Variants in HFM1 observed in about 807,000 individuals in gnomAD.
The protein encoded by HFM1 is probable ATP-dependent DNA helicase HFM1.
Under a neutral mutation model 192.1 loss-of-function variants are expected in HFM1, and 169 were observed. The ratio of observed to expected loss-of-function variants is 0.88; its 90% CI spans 0.78 to 1.00. The LOEUF is 1.00. Among genes scored for constraint, HFM1 ranks in the 50% least tolerant of loss-of-function variants. The probability of loss-of-function intolerance (pLI) is 0.00; values close to 1 mark genes in which losing one functional copy is unlikely to be tolerated. For synonymous variants in HFM1, 525 were observed against 537.8 expected, an observed-to-expected ratio of 0.98 and a Z score of 0.33; for missense variants, 1,661 against 1,668.0, an observed-to-expected ratio of 1.00 and a Z score of 0.07.
At chr1:91,346,299 C>G (rs941202242) in intron 19 of HFM1, among the ~76,000 whole-genome samples, 7 of 152,070 alleles carry the variant, frequency 4.6e-5, no homozygotes, top group African/African-American at 1.7e-4. Flanking sequence ...CAATATATCT[C>G]TTTGTCTAAT....
intron 18 of HFM1, among the ~76,000 whole-genome samples, chr1:91,349,832 G>C (rs143978955): frequency 2.5e-3 from 375 of 152,276 alleles, no homozygotes; most frequent in South Asian, 4.6e-3. Flanking sequence ...TTTGTTAAAA[G>C]GAATGGAAAA....
rs145201337 is a variant in HFM1 at position 91,399,754 on chromosome 1, G to C, written c.71+1258C>G. 1.5e-3 allele frequency among the ~76,000 whole-genome samples: 225 copies of C among 152,174 alleles called. 2 individuals carry two copies. Among genetic ancestry groups the C allele is most frequent in the South Asian group, 4.6e-3 (22 of 4,826 alleles). Reference sequence around the variant, plus strand: ...GAAGTCTCCCCCTACTACCCAAAAAGCCTGACCTGACTGTGTACTCCAAGA... The same window carrying C: ...GAAGTCTCCCCCTACTACCCAAAAACCCTGACCTGACTGTGTACTCCAAGA... On this transcript the variant is annotated intron_variant, in intron 2 of 38. Transcript: ENST00000370425.
intron 1 of HFM1, among the ~76,000 whole-genome samples, chr1:91,403,302 A>C (rs987029877): frequency 6.6e-6 from 1 of 152,168 alleles, no homozygotes; most frequent in Admixed American, 6.5e-5. Flanking sequence ...TTATAAAAAT[A>C]GTGTCAAATA....
Position 91,324,660 on chromosome 1 carries a change from T to G in HFM1, c.2427+15A>C. ...ATACCACTATGTATTTTTTTTCTAG[T>G]GAAAATTAATTTACCAGATCTGATA... On this transcript the variant is annotated intron_variant, in intron 21 of 38. Transcript: ENST00000370425. 1 of 1,187,904 alleles carries G rather than the reference T, an allele frequency of 8.4e-7. No individual in the cohort carries two copies. Among genetic ancestry groups the G allele is most frequent in the Non-Finnish European group, 1.3e-6 (1 of 799,820 alleles). The allele number at this position is 1,187,904 out of a possible 1,614,324, so 73.6% of individuals were successfully genotyped here.
intron 34 of HFM1, among the ~76,000 whole-genome samples, chr1:91,270,363 TAAG>T (rs1469072280): frequency 1.3e-5 from 2 of 151,638 alleles, no homozygotes; most frequent in Admixed American, 6.6e-5. Context: ...TAGAGTGAGG[TAAG>T]AAGAAGACAG....
chr1:91,343,575 T>C lies in HFM1; in HGVS notation c.2255-65A>G, dbSNP rs142043892. 4.3e-4 allele frequency: 273 copies of C among 635,752 alleles called. 1 individual carries two copies. In the African/African-American group the frequency reaches 4.8e-3, roughly 11 times the overall value. The allele number at this position is 635,752 out of a possible 1,614,324, so 39.4% of individuals were successfully genotyped here. A position where few individuals can be genotyped will look rare whatever the true frequency, so the allele number is the denominator to read the frequency against. ...TAGGGAAGTAGGGAAAAATAATTTA[T>C]TATTAAATATGCTAAAGTTGTGCTA... On this transcript the variant is annotated intron_variant, in intron 19 of 38. Transcript: ENST00000370425.
intron 20 of HFM1, among the ~76,000 whole-genome samples, chr1:91,340,889 A>C (rs1295551632): frequency 1.3e-5 from 2 of 152,252 alleles, no homozygotes; most frequent in East Asian, 3.8e-4. Context: ...CAACAAAAAG[A>C]TTTAACTATC....
At position 91,375,423 on chromosome 1, in the gene HFM1, C is replaced by T. The variant is rs1313282993; in HGVS notation, c.1620G>A (p.Val540=). 4 of 1,612,990 alleles carry T rather than the reference C, an allele frequency of 2.5e-6. No homozygotes were observed. The highest frequency in any genetic ancestry group is 3.4e-6 in the Non-Finnish European group (4 of 1,179,392). ...TLVFCATRKG[V]QQAASVLVKD... is the part of the protein sequence containing the mutation. ...TCACAAGAACAGAAGCAGCCTGTTG[C>T]ACACCCTTCCTTGTTGCACAAAACT... The change falls in exon 13 of 39, where the codon GTG becomes GTA. Residue 540 remains valine (V), a synonymous_variant. Transcript: ENST00000370425.
intron 18 of HFM1, among the ~76,000 whole-genome samples, chr1:91,347,726 C>A (rs1336032931): frequency 6.6e-6 from 1 of 152,132 alleles, no homozygotes; most frequent in Admixed American, 6.5e-5. Context: ...TGATTAATAT[C>A]TTCTAATGAA....
rs1236441967 is a variant in HFM1, at chr1:91,343,564, A to ATTTTTTATTTTT, written c.2255-55_2255-54insAAAAATAAAAAA. 8.8e-6 allele frequency: 6 copies of ATTTTTTATTTTT among 682,144 alleles called. No homozygotes were observed. The African/African-American group carries it at 9.3e-5, about 11-fold the overall frequency. The allele number at this position is 682,144 out of a possible 1,614,324, so 42.3% of individuals were successfully genotyped here. The stretch of plus-strand genomic sequence containing the variant: ...TTTTAGTAAAATAGGGAAGTAGGGA[A>ATTTTTTATTTTT]AAATAATTTATTATTAAATATGCTA... On this transcript the variant is annotated intron_variant, in intron 19 of 38. Transcript: ENST00000370425.
In HFM1 at chr1:91,404,832, C is replaced by T. The variant is rs945716391; in HGVS notation, c.-62G>A. The T allele has an allele frequency of 2.2e-6, 1 of 455,536 alleles. No individual in the cohort carries two copies. The highest frequency in any genetic ancestry group is 4.4e-6 in the Non-Finnish European group (1 of 226,674). The allele number at this position is 455,536 out of a possible 1,614,324, so 28.2% of individuals were successfully genotyped here. On this transcript the variant is annotated 5_prime_UTR_variant, in exon 1 of 39. Coordinates refer to ENST00000370425, the MANE Select transcript of HFM1 (RefSeq NM_001017975.6). ...GACAGCTCCTAGGCCAGTCGAGCGC[C>T]GATTTATCAGCCCCTCTGAGGACCG...
chr1:91,278,483 T>A (rs1168843890), intron 30 of HFM1, among the ~76,000 whole-genome samples: 2 of 152,150 alleles, frequency 1.3e-5, no homozygotes, highest in African/African-American at 4.8e-5. Context: ...AATCACCGAT[T>A]GTAAGAGCTG....
At chr1:91,302,246 C>T (rs1350876901) in intron 30 of HFM1, among the ~76,000 whole-genome samples, 2 of 151,504 alleles carry the variant, frequency 1.3e-5, no homozygotes, top group African/African-American at 2.4e-5. Flanking sequence ...CCATCTCACA[C>T]CAGTTAGAAT....
chr1:91,292,303 C>A (rs1668859959), intron 30 of HFM1, among the ~76,000 whole-genome samples: 2 of 57,090 alleles, frequency 3.5e-5, no homozygotes, highest in Non-Finnish European at 3.4e-5. Context: ...CTAGAAAACC[C>A]CATTGTCTCA....
intron 30 of HFM1, among the ~76,000 whole-genome samples, chr1:91,282,628 AT>A (rs900531251): frequency 2.1e-4 from 32 of 152,110 alleles, no homozygotes; most frequent in African/African-American, 7.5e-4. Flanking sequence ...TAAGTAGCAA[AT>A]TTGAGATTCT....
chr1:91,380,314 T>A (rs1299563551), intron 7 of HFM1, 78 bp from the exon 8 acceptor site: 8 of 912,616 alleles, frequency 8.8e-6, no homozygotes, highest in Non-Finnish European at 1.3e-5. Flanking sequence ...AAAAAAAGTC[T>A]TAGTAAGAAT....
intron 30 of HFM1, among the ~76,000 whole-genome samples, chr1:91,292,421 G>C (rs755552039): frequency 6.5e-4 from 87 of 133,090 alleles, no homozygotes; most frequent in Non-Finnish European, 6.1e-4. Flanking sequence ...GACAAACAGA[G>C]AGCCAAATCA....
chr1:91,323,018 C>A (rs889806884), intron 22 of HFM1, 21 bp from the exon 23 acceptor site: 10 of 1,360,422 alleles, frequency 7.4e-6, no homozygotes, highest in African/African-American at 1.5e-5. Context: ...AACCACATGG[C>A]AAAACATTTA....
chr1:91,369,159 C>A (rs1057357336), intron 13 of HFM1, among the ~76,000 whole-genome samples: 8 of 152,006 alleles, frequency 5.3e-5, no homozygotes, highest in Admixed American at 1.3e-4. Flanking sequence ...GGGAGACTTT[C>A]ACACCCCACT....
Sources: gnomAD v4.1 joint callset for allele counts (sites outside exome capture counted in the v4.1 genomes callset) on GRCh38, gnomAD v4.1.1 for gene constraint, MANE v1.5 for transcripts, NCBI Gene and HGNC (gene_info 2026-07-23, HGNC 2026-07-21) for gene names.